The following SFMBT2 variants were observed in gnomAD, a reference collection of about 807,000 sequenced individuals.
SFMBT2 encodes scm-like with four MBT domains protein 2.
Under a neutral mutation model 110.1 loss-of-function variants are expected in SFMBT2, and 38 were observed. The observed-to-expected ratio is 0.35, with a 90% CI of 0.27 to 0.45. SFMBT2 has a LOEUF of 0.45. SFMBT2 is among the 20% of genes least tolerant of loss of function. SFMBT2 has a pLI of 1.00. For synonymous variants in SFMBT2, 425 were observed against 425.4 expected (o/e 1.00, Z 0.01); for missense variants, 1,011 against 1,094.9 (o/e 0.92, Z 1.08).
intron 7 of SFMBT2, among the ~76,000 whole-genome samples, chr10:7,263,507 G>T (rs1298821790): frequency 6.6e-6 from 1 of 152,198 alleles, no homozygotes; most frequent in Non-Finnish European, 1.5e-5. Context: ...TTCCCAAAGT[G>T]CTGGGATTAC....
intron 5 of SFMBT2, chr10:7,285,193 A>G (rs957408905): frequency 5.3e-5 from 8 of 152,246 alleles, no homozygotes; most frequent in African/African-American, 1.4e-4. Flanking sequence ...CTTATGACAC[A>G]GTGCCTTTCT....
chr10:7,172,566 G>C lies in SFMBT2; in HGVS notation c.2080C>G (p.Arg694Gly), dbSNP rs1481807825. Residue 694 changes from arginine to glycine, a missense_variant, in exon 18 of 21, where the codon CGA (arginine) becomes GGA (glycine). This residue lies in a region of SFMBT2 where 979 missense variants were observed against 1,016.1 expected (regional missense o/e 0.96). Transcript: ENST00000397167. The surrounding 1 kb of genome is among the most constrained non-coding windows in gnomAD (Gnocchi z 4.6). ...TTCTGCACGAAAATGGATTTCCGTC[G>C]CTTCCTCCGCCTGGCGGGTTTGGGG... ...GHPKPARRRK[R>G]RKSIFVQKKR... The C allele has an allele frequency of 6.2e-6, 10 of 1,614,084 alleles. No individual in the cohort carries two copies. The highest frequency in any genetic ancestry group is 2.7e-5 in the African/African-American group (2 of 74,934).
chr10:7,318,632 TAGA>T (rs1843083588), intron 4 of SFMBT2, among the ~76,000 whole-genome samples: 1 of 152,260 alleles, frequency 6.6e-6, no homozygotes, highest in Non-Finnish European at 1.5e-5. Flanking sequence ...GTCATACTGA[TAGA>T]AGAATATCCA....
At chr10:7,199,755 C>T (rs1838893414) in intron 14 of SFMBT2, among the ~76,000 whole-genome samples, 1 of 152,148 alleles carries the variant, frequency 6.6e-6, no homozygotes, top group Admixed American at 6.5e-5. Flanking sequence ...AGATAATCTC[C>T]TAGTAGGATT....
Position 7,248,524 on chromosome 10 carries a change from G to A in SFMBT2, c.972+24C>T, listed in dbSNP as rs375190118. ...TTTGATCCACTCTAGGGGCTGGGTC[G>A]AAGAGCGAGGGAGGAAAACCCACCT... On this transcript the variant is annotated intron_variant, in intron 8 of 20. Coordinates refer to ENST00000397167, the MANE Select transcript of SFMBT2 (RefSeq NM_001387889.1). The A allele has an allele frequency of 7.8e-5, 125 of 1,599,064 alleles. No individual in the cohort carries two copies. The African/African-American group carries it at 8.0e-4, about 10-fold the overall frequency.
At chr10:7,276,035 T>A (rs990167674) in intron 7 of SFMBT2, among the ~76,000 whole-genome samples, 8 of 152,280 alleles carry the variant, frequency 5.3e-5, no homozygotes, top group Admixed American at 2.6e-4. Context: ...GCCTGTTTTA[T>A]GATTTCCTTG....
chr10:7,210,423 G>A lies in SFMBT2; in HGVS notation c.1331-4495C>T, dbSNP rs570736757. The stretch of plus-strand genomic sequence containing the variant: ...GCCACTGGGCAGCAGAGGCAGGAGG[G>A]ACCCAGGGCGAGGGAGGCTACAAGC... On this transcript the variant is annotated intron_variant, in intron 11 of 20. Coordinates refer to ENST00000397167, the MANE Select transcript of SFMBT2 (RefSeq NM_001387889.1). Among the ~76,000 whole-genome samples the A allele has an allele frequency of 2.6e-5, 4 of 152,264 alleles. No homozygotes were observed. In the East Asian group the frequency reaches 5.8e-4, roughly 22 times the overall value.
intron 1 of SFMBT2, among the ~76,000 whole-genome samples, chr10:7,383,160 T>A (rs1845475383): frequency 6.6e-6 from 1 of 152,210 alleles, no homozygotes; most frequent in Non-Finnish European, 1.5e-5. Context: ...ACTCACATAG[T>A]GGTAAAATAT....
intron 11 of SFMBT2, among the ~76,000 whole-genome samples, chr10:7,208,371 T>C (rs1839219487): frequency 6.6e-6 from 1 of 152,184 alleles, no homozygotes; most frequent in African/African-American, 2.4e-5. Flanking sequence ...GATTTACATT[T>C]AGCTACAAAT....
At chr10:7,262,741 A>G (rs1841247905) in intron 7 of SFMBT2, among the ~76,000 whole-genome samples, 1 of 152,154 alleles carries the variant, frequency 6.6e-6, no homozygotes, top group Non-Finnish European at 1.5e-5. Context: ...GGATTTTGCG[A>G]TTTTTATAGT....
chr10:7,188,817 G>T, intron 15 of SFMBT2, 84 bp from the exon 16 acceptor site: 1 of 1,130,408 alleles, frequency 8.8e-7, no homozygotes, highest in Non-Finnish European at 1.3e-6. Flanking sequence ...CCACACCACT[G>T]ACATTTAGGA....
At chr10:7,378,504 GGAT>G (rs1845329736) in intron 2 of SFMBT2, among the ~76,000 whole-genome samples, 1 of 95,764 alleles carries the variant, frequency 1.0e-5, no homozygotes, top group Non-Finnish European at 2.0e-5. Context: ...GTGTATGTGT[GGAT>G]GGGTGGGTGG....
At chr10:7,409,796 G>A (rs1462287110) in intron 1 of SFMBT2, among the ~76,000 whole-genome samples, 1 of 151,226 alleles carries the variant, frequency 6.6e-6, no homozygotes. Flanking sequence ...GTTTTTAAAA[G>A]CCACCTTAGC....
At chr10:7,383,274 C>A (rs921643379) in intron 1 of SFMBT2, among the ~76,000 whole-genome samples, 7 of 152,026 alleles carry the variant, frequency 4.6e-5, no homozygotes, top group Admixed American at 4.6e-4. Context: ...GAGGCTGAGG[C>A]GGGAGGATCA....
At chr10:7,282,891 A>G (rs968757110) in intron 6 of SFMBT2, among the ~76,000 whole-genome samples, 4 of 152,210 alleles carry the variant, frequency 2.6e-5, no homozygotes, top group African/African-American at 9.7e-5. Flanking sequence ...CCAATTTCTG[A>G]AAAAATACGT....
At chr10:7,351,664 T>G (rs374233167) in intron 4 of SFMBT2, among the ~76,000 whole-genome samples, 1 of 152,198 alleles carries the variant, frequency 6.6e-6, no homozygotes, top group Non-Finnish European at 1.5e-5. Flanking sequence ...CAGGCAAGTA[T>G]GATCAAAATT....
intron 10 of SFMBT2, among the ~76,000 whole-genome samples, chr10:7,225,924 G>A (rs904032182): frequency 1.3e-5 from 2 of 152,198 alleles, no homozygotes; most frequent in African/African-American, 4.8e-5. Flanking sequence ...TTCTGTGACT[G>A]TGACATCAAT....
chr10:7,410,819 C>A (rs1588520552), intron 1 of SFMBT2, among the ~76,000 whole-genome samples, 42 bp downstream of exon 1: 1 of 151,618 alleles, frequency 6.6e-6, no homozygotes, highest in South Asian at 2.1e-4. Flanking sequence ...TGCTCTCCGG[C>A]CAGCCTGGGC....
chr10:7,377,744 G>A (rs1004904617), intron 2 of SFMBT2, among the ~76,000 whole-genome samples: 3 of 152,142 alleles, frequency 2.0e-5, no homozygotes, highest in Non-Finnish European at 4.4e-5. Flanking sequence ...GGGAGCAGCT[G>A]TCAATACAGA....
Sources: gnomAD v4.1 joint callset for allele counts (sites outside exome capture counted in the v4.1 genomes callset) on GRCh38, gnomAD v4.1.1 for gene constraint, gnomAD v4.1.1 regional missense constraint, Gnocchi (gnomAD v3.1) non-coding constraint, MANE v1.5 for transcripts, NCBI Gene and HGNC (gene_info 2026-07-23, HGNC 2026-07-21) for gene names.